The following C13orf42 variants were observed in gnomAD, a reference collection of about 807,000 sequenced individuals.
The protein encoded by C13orf42 is chromosome 13 open reading frame 42.
At chr13:51,086,317 C>CA (rs151139876) in intron 2 of C13orf42, among the ~76,000 whole-genome samples, 14,646 of 114,296 alleles carry the variant, frequency 0.13, 918 homozygotes, top group East Asian at 0.26. Context: ...AAAAAAAAAA[C>CA]AAAAAAAAAC....
intron 1 of C13orf42, among the ~76,000 whole-genome samples, chr13:51,122,538 G>GAA (rs541728426): frequency 1.2e-5 from 1 of 81,534 alleles, no homozygotes; most frequent in Non-Finnish European, 2.7e-5. Flanking sequence ...GTTCCAAAAA[G>GAA]AAAAAAAAAA....
At chr13:51,086,385 A>T (rs903668579) in intron 2 of C13orf42, among the ~76,000 whole-genome samples, 13 of 152,034 alleles carry the variant, frequency 8.6e-5, no homozygotes, top group Admixed American at 5.9e-4. Flanking sequence ...GTAGCCCAAG[A>T]TGTATTGTAA....
chr13:51,152,955 G>A (rs960998492), intron 1 of C13orf42, among the ~76,000 whole-genome samples: 2 of 152,096 alleles, frequency 1.3e-5, no homozygotes, highest in Non-Finnish European at 2.9e-5. Flanking sequence ...CACCTGCTGC[G>A]GGGTTGATGT....
rs549081835 is a variant in C13orf42 at position 51,101,006 on chromosome 13, T to C, written c.414+9790A>G. On this transcript the variant is annotated intron_variant, in intron 1 of 3. Transcript: ENST00000563710. ...ACTGAGAAAAGAATACAAAGATGTA[T>C]ATATGGTATGAACCAAATTTAGTAC... 5.4e-4 allele frequency among the ~76,000 whole-genome samples: 82 copies of C among 152,318 alleles called. 1 individual carries two copies. The highest frequency in any genetic ancestry group is 1.9e-3 in the African/African-American group (77 of 41,584).
At chr13:51,171,134 A>T (rs1202618062) in intron 1 of C13orf42, among the ~76,000 whole-genome samples, 1 of 151,400 alleles carries the variant, frequency 6.6e-6, no homozygotes, top group Non-Finnish European at 1.5e-5. Flanking sequence ...GTAAGCTTCC[A>T]CCCTCCATTC....
At chr13:51,114,641 TAGATAGAGATAGACAGACAGAC>T (rs1953468765), upstream of C13orf42, among the ~76,000 whole-genome samples, 1 of 92,054 alleles carries the variant, frequency 1.1e-5, no homozygotes, top group African/African-American at 4.4e-5. Context: ...GATAGATAGA[TAGATAGAGATAGACAGACAGAC>T]AGACAGACAG....
intron 1 of C13orf42, among the ~76,000 whole-genome samples, chr13:51,102,909 C>G (rs1953308583): frequency 6.6e-6 from 1 of 152,154 alleles, no homozygotes; most frequent in Non-Finnish European, 1.5e-5. Context: ...GGAAGTGCCA[C>G]ACCTTTAAAA....
chr13:51,153,630 CTTTTTTTTTTTTTT>C (rs1206289963), intron 1 of C13orf42, among the ~76,000 whole-genome samples: 7 of 81,246 alleles, frequency 8.6e-5, no homozygotes, highest in East Asian at 3.8e-4. Flanking sequence ...TGTTTTTTTT[CTTTTTTTTTTTTTT>C]TTTTTTTTTT....
intron 1 of C13orf42, among the ~76,000 whole-genome samples, chr13:51,147,139 C>T (rs1953741770): frequency 6.6e-6 from 1 of 152,262 alleles, no homozygotes; most frequent in South Asian, 2.1e-4. Context: ...CTCCCAGGTA[C>T]TCTGCTGGGG....
intron 1 of C13orf42, among the ~76,000 whole-genome samples, chr13:51,123,120 CA>C (rs1953549490): frequency 6.6e-6 from 1 of 152,186 alleles, no homozygotes; most frequent in African/African-American, 2.4e-5. Flanking sequence ...ACGTACAAGG[CA>C]ATCTGAAAAA....
At chr13:51,170,924 G>A (rs1953944664) in intron 1 of C13orf42, among the ~76,000 whole-genome samples, 1 of 152,074 alleles carries the variant, frequency 6.6e-6, no homozygotes, top group Non-Finnish European at 1.5e-5. Context: ...TAGGGGGCAA[G>A]AAGCCCCCAG....
intron 1 of C13orf42, among the ~76,000 whole-genome samples, chr13:51,109,488 C>G (rs1953402149): frequency 1.3e-5 from 2 of 152,126 alleles, no homozygotes; most frequent in African/African-American, 4.8e-5. Flanking sequence ...CGACTCATAC[C>G]TGTAACCCCA....
At chr13:51,170,509 C>T (rs570804316) in intron 1 of C13orf42, among the ~76,000 whole-genome samples, 47 of 152,298 alleles carry the variant, frequency 3.1e-4, no homozygotes, top group African/African-American at 1.1e-3. Context: ...CTCACTATCC[C>T]TCAACCTCTT....
chr13:51,170,333 G>A (rs1010985263), intron 1 of C13orf42, among the ~76,000 whole-genome samples: 7 of 152,126 alleles, frequency 4.6e-5, no homozygotes, highest in African/African-American at 1.4e-4. Flanking sequence ...GCCATGACTC[G>A]GATCGGGGGA....
intron 1 of C13orf42, among the ~76,000 whole-genome samples, chr13:51,170,622 C>T (rs535548515): frequency 6.6e-6 from 1 of 152,264 alleles, no homozygotes; most frequent in African/African-American, 2.4e-5. Flanking sequence ...TATCCATGAA[C>T]CCAAAACTCC....
rs569684073 is a variant in C13orf42 at position 51,125,866 on chromosome 13, G to A, written n.137-12644C>T. ...ATAAATGCAATGACAACAGCTAACT[G>A]AGCTCTTAATATGGTGACTGTTTTC... On this transcript the variant is annotated intron_variant and non_coding_transcript_variant, in intron 1 of 4. Transcript: ENST00000433280. Among the ~76,000 whole-genome samples, 15 of 152,256 alleles carry A rather than the reference G, an allele frequency of 9.9e-5. No homozygotes were observed. The South Asian group carries it at 3.1e-3, about 32-fold the overall frequency.
chr13:51,134,662 G>C (rs1234042414), intron 1 of C13orf42, among the ~76,000 whole-genome samples: 1 of 152,180 alleles, frequency 6.6e-6, no homozygotes, highest in Non-Finnish European at 1.5e-5. Flanking sequence ...GCTGGGCCCA[G>C]CTCCAGCTGA....
In C13orf42 at chr13:51,090,786, C is replaced by T. The variant is rs187188160; in HGVS notation, c.415-2711G>A. 1.1e-4 allele frequency among the ~76,000 whole-genome samples: 16 copies of T among 152,212 alleles called. No homozygotes were observed. The East Asian group carries it at 1.4e-3, about 13-fold the overall frequency. The stretch of plus-strand genomic sequence containing the variant: ...AGCTATTAAAGGCTAAGAAAGCATC[C>T]GGCCATTGGCTAGCTTAACATGAAT... On this transcript the variant is annotated intron_variant, in intron 1 of 3. Coordinates refer to ENST00000563710, the MANE Select transcript of C13orf42 (RefSeq NM_001351589.3).
At chr13:51,099,318 T>A (rs1334175877) in intron 1 of C13orf42, among the ~76,000 whole-genome samples, 1 of 152,152 alleles carries the variant, frequency 6.6e-6, no homozygotes, top group Non-Finnish European at 1.5e-5. Context: ...AAAAGTATCA[T>A]CACTGAAATT....
Sources: gnomAD v4.1 joint callset for allele counts (sites outside exome capture counted in the v4.1 genomes callset) on GRCh38, gnomAD v4.1.1 for gene constraint, MANE v1.5 for transcripts, NCBI Gene and HGNC (gene_info 2026-07-23, HGNC 2026-07-21) for gene names.